VAC14: variants seen among roughly 807,000 people sequenced by gnomAD.
The protein encoded by VAC14 is protein VAC14 homolog.
In VAC14, 47 loss-of-function variants were observed where a neutral mutation model predicts 85.3. The ratio of observed to expected loss-of-function variants is 0.55; its 90% CI spans 0.44 to 0.70. VAC14 has a LOEUF of 0.70. Ranked by LOEUF, VAC14 falls within the 30% of genes least tolerant of loss-of-function variation. The pLI, the probability that VAC14 is intolerant of heterozygous loss-of-function variation, is 0.00. For missense variants in VAC14, 861 were observed against 1,004.3 expected (o/e 0.86, Z 1.93); for synonymous variants, 447 against 430.5 (o/e 1.04, Z -0.47).
At chr16:70,758,150 G>A (rs1327610502) in intron 12 of VAC14, among the ~76,000 whole-genome samples, 1 of 152,232 alleles carries the variant, frequency 6.6e-6, no homozygotes, top group Non-Finnish European at 1.5e-5. Flanking sequence ...ATGGCTCACA[G>A]GACTGAGAAA....
In VAC14 at chr16:70,762,512, A is replaced by T. The variant is rs750527018; in HGVS notation, c.1371+28T>A. ...GGGGAGGCAGGGCAGCCGATGTTCC[A>T]TAAGTACGGGTGGCGTTGGTGACCT... On this transcript the variant is annotated intron_variant, in intron 12 of 18. Transcript: ENST00000261776. The surrounding 1 kb of genome is among the most constrained non-coding windows in gnomAD (Gnocchi z 4.1). The T allele has an allele frequency of 1.9e-6, 3 of 1,612,112 alleles. No individual in the cohort carries two copies. The highest frequency in any genetic ancestry group is 2.5e-6 in the Non-Finnish European group (3 of 1,178,396).
chr16:70,758,619 C>T (rs907732257), intron 12 of VAC14, among the ~76,000 whole-genome samples: 5 of 152,210 alleles, frequency 3.3e-5, no homozygotes, highest in African/African-American at 1.2e-4. Flanking sequence ...GGCCATCTTA[C>T]AGGCAGAACT....
At chr16:70,735,919 A>G (rs2054736259) in intron 13 of VAC14, among the ~76,000 whole-genome samples, 1 of 152,254 alleles carries the variant, frequency 6.6e-6, no homozygotes, top group African/African-American at 2.4e-5. Context: ...GAGTTACCCC[A>G]GGCCCAGCTG....
At chr16:70,713,703 G>GTT (rs200562952) in intron 14 of VAC14, among the ~76,000 whole-genome samples, 1 of 109,480 alleles carries the variant, frequency 9.1e-6, no homozygotes, top group Non-Finnish European at 2.0e-5. Context: ...GAGCATCTTT[G>GTT]TTTTTGTTTT....
At chr16:70,767,232 A>G (rs1244692818) in intron 10 of VAC14, among the ~76,000 whole-genome samples, 1 of 152,228 alleles carries the variant, frequency 6.6e-6, no homozygotes, top group Non-Finnish European at 1.5e-5. Flanking sequence ...TTCTGATATT[A>G]CCAATAAATA....
At position 70,732,869 on chromosome 16, in the gene VAC14, G is replaced by A. The variant is rs1403512455; in HGVS notation, c.1529-1242C>T. Among the ~76,000 whole-genome samples the A allele has an allele frequency of 2.0e-5, 3 of 151,812 alleles. No homozygotes were observed. In the South Asian group the frequency reaches 6.2e-4, roughly 32 times the overall value. ...TCACCATGTTGGCCAAGCTGGTCTCGAACTCCTGACCTCAGGTGATCCACC... is the reference window on the plus strand; with the variant it reads ...TCACCATGTTGGCCAAGCTGGTCTCAAACTCCTGACCTCAGGTGATCCACC... On this transcript the variant is annotated intron_variant, in intron 13 of 18. Transcript: ENST00000261776.
intron 10 of VAC14, among the ~76,000 whole-genome samples, chr16:70,767,662 C>G (rs775814157): frequency 6.6e-6 from 1 of 152,166 alleles, no homozygotes; most frequent in East Asian, 1.9e-4. Context: ...GTTAAATGCA[C>G]GGGCTCTGGA....
chr16:70,771,988 G>T, intron 10 of VAC14, 121 bp downstream of exon 10: 1 of 849,412 alleles, frequency 1.2e-6, no homozygotes. Context: ...GTACGAGGGT[G>T]TCCCAAAAGC....
Position 70,698,627 on chromosome 16 carries a change from C to T in VAC14, c.1836+10G>A, listed in dbSNP as rs376429570. The T allele has an allele frequency of 3.8e-5, 62 of 1,613,722 alleles. No individual in the cohort carries two copies. The highest frequency in any genetic ancestry group is 1.6e-4 in the Middle Eastern group (1 of 6,066). On this transcript the variant is annotated intron_variant, in intron 15 of 18. Coordinates refer to ENST00000261776, the MANE Select transcript of VAC14 (RefSeq NM_018052.5). ...AGACGCCTGAGGATGGAGTCCCGGA[C>T]GCAGCCTACCAGGGTCTTCAGGTCC...
intron 14 of VAC14, among the ~76,000 whole-genome samples, chr16:70,727,560 G>C (rs1315478995): frequency 6.6e-6 from 1 of 152,192 alleles, no homozygotes; most frequent in Non-Finnish European, 1.5e-5. Flanking sequence ...GGCTGGTCTT[G>C]AACTCCTGAC....
chr16:70,701,367 T>C (rs896406078), intron 14 of VAC14, among the ~76,000 whole-genome samples: 2 of 152,120 alleles, frequency 1.3e-5, no homozygotes, highest in African/African-American at 4.8e-5. Flanking sequence ...GGTGTCCCCA[T>C]AGACTTGCCA....
At chr16:70,734,590 T>C (rs1283466495) in intron 13 of VAC14, among the ~76,000 whole-genome samples, 2 of 152,246 alleles carry the variant, frequency 1.3e-5, no homozygotes, top group East Asian at 3.8e-4. Flanking sequence ...TTTAGGTCTC[T>C]GGTCTATTTT....
chr16:70,780,941 T>C lies in VAC14; in HGVS notation c.947-2A>G, dbSNP rs750777960. ...ACACGTTGGCCACTTCTTTGATGCC[T>C]GAGTCCACTGATGTAAGGAGCGTGA... On this transcript the variant is annotated splice_acceptor_variant, in intron 8 of 18. Transcript: ENST00000261776. LOFTEE classifies it high-confidence loss of function. 8 of 1,613,934 alleles carry C rather than the reference T, an allele frequency of 5.0e-6. No homozygotes were observed. The highest frequency in any genetic ancestry group is 4.5e-5 in the East Asian group (2 of 44,892).
At chr16:70,724,542 A>G (rs1363436464) in intron 14 of VAC14, among the ~76,000 whole-genome samples, 1 of 152,078 alleles carries the variant, frequency 6.6e-6, no homozygotes, top group Non-Finnish European at 1.5e-5. Flanking sequence ...TGTGTGTCAG[A>G]CTGGGCCTCT....
intron 14 of VAC14, chr16:70,699,162 G>GTC (rs1555513584): frequency 8.5e-6 from 2 of 235,022 alleles, no homozygotes; most frequent in South Asian, 6.9e-5. Context: ...CTGAGCAATG[G>GTC]CCCCCACCCC....
intron 16 of VAC14, 122 bp downstream of exon 16, chr16:70,697,017 C>T (rs2053725950): frequency 4.0e-6 from 3 of 748,378 alleles, no homozygotes; most frequent in Non-Finnish European, 6.9e-6. Context: ...AGCCCTGAGG[C>T]TGAGTGGAGG....
chr16:70,717,119 C>T (rs762286821), intron 14 of VAC14, among the ~76,000 whole-genome samples: 4 of 152,378 alleles, frequency 2.6e-5, no homozygotes, highest in East Asian at 3.9e-4. Context: ...AGAACCATGA[C>T]GGCCCATGAC....
intron 10 of VAC14, among the ~76,000 whole-genome samples, chr16:70,765,164 CA>C (rs1318125411): frequency 6.6e-6 from 1 of 152,180 alleles, no homozygotes; most frequent in African/African-American, 2.4e-5. Context: ...GCAGAAGCCA[CA>C]GGGACATGTA....
chr16:70,783,962 C>G, intron 5 of VAC14, 151 bp downstream of exon 5: 2 of 674,068 alleles, frequency 3.0e-6, no homozygotes, highest in South Asian at 1.9e-5. Flanking sequence ...GGGGGCAAAG[C>G]TGAATAAGGT....
Sources: allele counts gnomAD v4.1 joint callset (sites outside exome capture counted in the v4.1 genomes callset), GRCh38; gene constraint gnomAD v4.1.1; non-coding constraint Gnocchi (gnomAD v3.1); transcripts MANE v1.5; gene names NCBI Gene and HGNC (gene_info 2026-07-23, HGNC 2026-07-21).